The following DLG1 variants were observed in gnomAD, a reference collection of about 807,000 sequenced individuals.
The protein encoded by DLG1 is disks large homolog 1.
DLG1 carries 42 observed loss-of-function variants against 123.4 expected under a neutral mutation model. The observed-to-expected ratio is 0.34, with a 90% CI of 0.27 to 0.44. The LOEUF is 0.44. Ranked by LOEUF, DLG1 falls within the 20% of genes least tolerant of loss-of-function variation. The pLI is 1.00. For missense variants in DLG1, 942 were observed against 1,082.6 expected, an observed-to-expected ratio of 0.87 and a Z score of 1.82; for synonymous variants, 317 against 356.2, an observed-to-expected ratio of 0.89 and a Z score of 1.24.
intron 23 of DLG1, among the ~76,000 whole-genome samples, chr3:197,052,404 G>A (rs1238809133): frequency 6.6e-6 from 1 of 152,084 alleles, no homozygotes; most frequent in Admixed American, 6.5e-5. Context: ...GCAGTGAGCC[G>A]AGATCGTGCC....
In DLG1 at chr3:197,148,530, C is replaced by T. The variant is rs56656561; in HGVS notation, c.537+1213G>A. Among the ~76,000 whole-genome samples the T allele has an allele frequency of 9.8e-3, 1,492 of 151,812 alleles. 23 individuals are homozygous for T. The highest frequency in any genetic ancestry group is 0.033 in the African/African-American group (1,388 of 41,442). ...TTGAAAGGAATTAAAGAAATATACC[C>T]ATATATTTACAGTTAACTGATTTTC... On this transcript the variant is annotated intron_variant, in intron 6 of 24. Transcript: ENST00000667157.
intron 4 of DLG1, among the ~76,000 whole-genome samples, chr3:197,196,087 T>C (rs1722329967): frequency 6.9e-6 from 1 of 145,556 alleles, no homozygotes; most frequent in African/African-American, 2.6e-5. Context: ...ATCCCACTTC[T>C]AGGAATGAGA....
chr3:197,260,244 CA>C (rs1377479210), intron 4 of DLG1: 1 of 431,938 alleles, frequency 2.3e-6, no homozygotes, highest in African/African-American at 2.0e-5. Flanking sequence ...TACAGAAAAG[CA>C]TATTATATCT....
chr3:197,068,700 T>C (rs1411116017), intron 19 of DLG1, among the ~76,000 whole-genome samples: 1 of 152,176 alleles, frequency 6.6e-6, no homozygotes, highest in Admixed American at 6.5e-5. Context: ...GAATGTAATA[T>C]AAAACAGCAA....
At chr3:197,107,692 T>C (rs138162389) in intron 13 of DLG1, among the ~76,000 whole-genome samples, 21 of 152,332 alleles carry the variant, frequency 1.4e-4, no homozygotes, top group Admixed American at 2.0e-4. Context: ...CAAATTTAAC[T>C]GAACTCATTT....
intron 14 of DLG1, among the ~76,000 whole-genome samples, chr3:197,103,698 GCAATGCTCAA>G (rs1764779890): frequency 6.7e-6 from 1 of 150,154 alleles, no homozygotes; most frequent in African/African-American, 2.5e-5. Context: ...GAAAGACCAA[GCAATGCTCAA>G]CATGCTGCTT....
chr3:197,091,538 A>G (rs1757732126), intron 14 of DLG1, among the ~76,000 whole-genome samples: 2 of 152,128 alleles, frequency 1.3e-5, no homozygotes, highest in African/African-American at 4.8e-5. Flanking sequence ...GTGATAAACA[A>G]AATTTATTTT....
intron 4 of DLG1, among the ~76,000 whole-genome samples, chr3:197,197,916 T>C (rs1007472410): frequency 4.6e-5 from 7 of 152,168 alleles, no homozygotes; most frequent in African/African-American, 1.2e-4. Flanking sequence ...ACAAATGATA[T>C]TGGGACAACT....
intron 13 of DLG1, 97 bp downstream of exon 13, chr3:197,115,830 T>G: frequency 8.6e-7 from 1 of 1,165,826 alleles, no homozygotes. Flanking sequence ...AACCAAGATA[T>G]CCCCATTACT....
At chr3:197,089,731 A>C (rs1402522617) in intron 15 of DLG1, among the ~76,000 whole-genome samples, 1 of 152,078 alleles carries the variant, frequency 6.6e-6, no homozygotes, top group Non-Finnish European at 1.5e-5. Flanking sequence ...AAAAAAAAGA[A>C]AGTGTAAAAA....
chr3:197,078,058 C>A (rs1050080650), intron 17 of DLG1, among the ~76,000 whole-genome samples: 1 of 151,272 alleles, frequency 6.6e-6, no homozygotes, highest in Non-Finnish European at 1.5e-5. Context: ...ACATCTGTAA[C>A]CCCAGCCCTT....
chr3:197,113,227 T>A (rs1771104259), intron 13 of DLG1, among the ~76,000 whole-genome samples: 1 of 152,228 alleles, frequency 6.6e-6, no homozygotes, highest in Non-Finnish European at 1.5e-5. Flanking sequence ...TAAGATTTTC[T>A]TGTATGTTTT....
At chr3:197,097,443 T>C (rs754891527) in intron 14 of DLG1, among the ~76,000 whole-genome samples, 7 of 152,170 alleles carry the variant, frequency 4.6e-5, no homozygotes, top group African/African-American at 7.2e-5. Flanking sequence ...TTGGGGTTCA[T>C]AGGATATCTT....
intron 4 of DLG1, among the ~76,000 whole-genome samples, chr3:197,237,624 G>A (rs338185): frequency 0.29 from 44,098 of 152,042 alleles, 6,869 homozygotes; most frequent in Middle Eastern, 0.38. Context: ...CCCCAACTGG[G>A]GCTGGGTCAG....
chr3:197,108,966 A>G (rs1191214606), intron 13 of DLG1, among the ~76,000 whole-genome samples: 4 of 152,140 alleles, frequency 2.6e-5, no homozygotes, highest in South Asian at 4.1e-4. Context: ...TATTAAATAG[A>G]TATTTCCTAG....
chr3:197,234,465 T>C (rs1189068815), intron 4 of DLG1, among the ~76,000 whole-genome samples: 1 of 152,206 alleles, frequency 6.6e-6, no homozygotes, highest in African/African-American at 2.4e-5. Flanking sequence ...AGAATAAAAA[T>C]GTCTAATCAA....
chr3:197,068,662 G>A (rs931887541), intron 19 of DLG1: 1 of 587,312 alleles, frequency 1.7e-6, no homozygotes, highest in Non-Finnish European at 3.0e-6. Context: ...AACATCACAT[G>A]CTTGTGCAGT....
rs181635684 is a variant in DLG1 at position 197,296,905 on chromosome 3, T to C, written c.19+281A>G. The C allele has an allele frequency of 3.5e-3, 1,587 of 449,632 alleles. 7 individuals carry two copies. The highest frequency in any genetic ancestry group is 7.3e-3 in the Middle Eastern group (13 of 1,776). The allele number at this position is 449,632 out of a possible 1,614,324, so 27.9% of individuals were successfully genotyped here. ...ACAGAATAGTGCTTAGTAAGAATGATAGAGTGAAATACTAAAACACCAATT... is the reference window on the plus strand; with the variant it reads ...ACAGAATAGTGCTTAGTAAGAATGACAGAGTGAAATACTAAAACACCAATT... On this transcript the variant is annotated intron_variant, in intron 2 of 24. Coordinates refer to ENST00000667157, the MANE Select transcript of DLG1 (RefSeq NM_001366207.1).
intron 19 of DLG1, chr3:197,068,356 C>G: frequency 1.7e-6 from 1 of 604,646 alleles, no homozygotes; most frequent in Non-Finnish European, 2.8e-6. Context: ...TAATAAAATG[C>G]TGAAATACAG....
Sources: allele counts gnomAD v4.1 joint callset (sites outside exome capture counted in the v4.1 genomes callset), GRCh38; gene constraint gnomAD v4.1.1; transcripts MANE v1.5; gene names NCBI Gene and HGNC (gene_info 2026-07-23, HGNC 2026-07-21).